FOXP1: variants seen among roughly 807,000 people sequenced by gnomAD.
The protein encoded by FOXP1 is forkhead box protein P1.
Under a neutral mutation model 98.2 loss-of-function variants are expected in FOXP1, and 15 were observed. The ratio of observed to expected loss-of-function variants is 0.15; its 90% CI spans 0.10 to 0.24. The LOEUF is 0.24. Among genes scored for constraint, FOXP1 ranks in the 10% least tolerant of loss-of-function variants. FOXP1 has a pLI of 1.00. For synonymous variants in FOXP1, 371 were observed against 314.5 expected (o/e 1.18, Z -1.90); for missense variants, 633 against 848.5 (o/e 0.75, Z 3.15).
intron 3 of FOXP1, among the ~76,000 whole-genome samples, chr3:71,412,083 A>C (rs1053139351): frequency 1.4e-4 from 22 of 152,324 alleles, no homozygotes; most frequent in African/African-American, 5.3e-4. Context: ...CTCTCCCTGC[A>C]GTCCTTGAAA....
rs889494636 is a variant in FOXP1 at position 70,958,573 on chromosome 3, AGAGGCCATCGGCCCAAATG to A, written c.*655_*673del. The stretch of plus-strand genomic sequence containing the variant: ...AGGTACAGAAAACTTTAAGCCTCCA[AGAGGCCATCGGCCCAAATG>A]GAGGCCTGAGGTCAGAACTTAAAAT... On this transcript the variant is annotated 3_prime_UTR_variant, in exon 21 of 21. Transcript: ENST00000649528. The A allele has an allele frequency of 4.1e-6, 1 of 246,462 alleles. No homozygotes were observed. The highest frequency in any genetic ancestry group is 7.9e-6 in the Non-Finnish European group (1 of 126,188). The allele number at this position is 246,462 out of a possible 1,614,324, so 15.3% of individuals were successfully genotyped here.
chr3:71,303,121 C>CT lies in FOXP1; in HGVS notation c.-72-3242dup, dbSNP rs200435819. Among the ~76,000 whole-genome samples, 1,370 of 152,186 alleles carry CT rather than the reference C, an allele frequency of 9.0e-3. 28 individuals are homozygous for CT. The highest frequency in any genetic ancestry group is 0.031 in the African/African-American group (1,291 of 41,498). On this transcript the variant is annotated intron_variant, in intron 4 of 20. Transcript: ENST00000649528. ...AAACTGAAAATGAAGAGTATCAGCT[C>CT]TTTTTTTCCCCATTTATAGTATTTC...
intron 10 of FOXP1, among the ~76,000 whole-genome samples, chr3:71,046,431 A>T (rs2049043760): frequency 6.6e-6 from 1 of 152,222 alleles, no homozygotes; most frequent in South Asian, 2.1e-4. Flanking sequence ...AAAGGAAACT[A>T]AACAAAGTTT....
At chr3:71,017,586 A>G (rs1559731234) in intron 11 of FOXP1, among the ~76,000 whole-genome samples, 1 of 151,958 alleles carries the variant, frequency 6.6e-6, no homozygotes, top group Non-Finnish European at 1.5e-5. Flanking sequence ...TATATTTAAC[A>G]TAATTTTGTA....
intron 6 of FOXP1, among the ~76,000 whole-genome samples, chr3:71,112,974 C>T (rs966394801): frequency 4.6e-5 from 7 of 152,066 alleles, no homozygotes; most frequent in South Asian, 2.1e-4. Context: ...CAAGCAAAGA[C>T]GAAAACTTGG....
At chr3:71,180,593 C>T (rs527283538) in intron 6 of FOXP1, among the ~76,000 whole-genome samples, 1 of 152,176 alleles carries the variant, frequency 6.6e-6, no homozygotes, top group South Asian at 2.1e-4. Flanking sequence ...TTTTTTCTCC[C>T]TTGCCTGTAT....
At chr3:71,018,576 A>G (rs2044877119) in intron 11 of FOXP1, among the ~76,000 whole-genome samples, 1 of 152,226 alleles carries the variant, frequency 6.6e-6, no homozygotes, top group Non-Finnish European at 1.5e-5. Flanking sequence ...AACATCCTGT[A>G]CACACTGTTG....
chr3:71,436,250 A>T, intron 3 of FOXP1, among the ~76,000 whole-genome samples: 1 of 152,050 alleles, frequency 6.6e-6, no homozygotes, highest in South Asian at 2.1e-4. Flanking sequence ...AAAACTTTAC[A>T]CATGTTCACA....
At chr3:71,529,416 C>G (rs768164322) in intron 2 of FOXP1, among the ~76,000 whole-genome samples, 3 of 152,172 alleles carry the variant, frequency 2.0e-5, no homozygotes, top group Non-Finnish European at 4.4e-5. Context: ...TTTCTTGGCA[C>G]ATAGTCCTTA....
chr3:71,277,778 TTA>T (rs2071069273), intron 5 of FOXP1, among the ~76,000 whole-genome samples: 1 of 93,418 alleles, frequency 1.1e-5, no homozygotes, highest in Non-Finnish European at 2.2e-5. Flanking sequence ...TTTTCCCTAG[TTA>T]AAAAAAAAAA....
chr3:71,251,716 G>A (rs957658536), intron 5 of FOXP1, among the ~76,000 whole-genome samples: 1 of 152,168 alleles, frequency 6.6e-6, no homozygotes, highest in Non-Finnish European at 1.5e-5. Flanking sequence ...GTGCGTTGGA[G>A]TTACCCACAC....
chr3:70,972,080 C>T, intron 18 of FOXP1: 1 of 1,519,740 alleles, frequency 6.6e-7, no homozygotes, highest in Admixed American at 2.1e-5. Context: ...AATATGGCGG[C>T]CACGTTTAAA....
At chr3:71,434,252 C>T (rs972282445) in intron 3 of FOXP1, among the ~76,000 whole-genome samples, 8 of 152,112 alleles carry the variant, frequency 5.3e-5, no homozygotes, top group East Asian at 1.9e-4. Flanking sequence ...AAAATAATGA[C>T]GTTAGGCACT....
chr3:71,393,451 T>C (rs532036659), intron 3 of FOXP1, among the ~76,000 whole-genome samples: 4 of 152,232 alleles, frequency 2.6e-5, no homozygotes, highest in South Asian at 4.2e-4. Flanking sequence ...ATTTTATGTA[T>C]ACTTGCCTCT....
At chr3:71,442,509 T>G (rs530138334) in intron 3 of FOXP1, among the ~76,000 whole-genome samples, 1 of 152,262 alleles carries the variant, frequency 6.6e-6, no homozygotes, top group African/African-American at 2.4e-5. Flanking sequence ...CATGCAAGTC[T>G]CGCGCAGTGA....
chr3:71,010,888 C>A (rs1277763797), intron 12 of FOXP1, among the ~76,000 whole-genome samples: 1 of 136,722 alleles, frequency 7.3e-6, no homozygotes, highest in Non-Finnish European at 1.5e-5. Flanking sequence ...TTACTTGAAC[C>A]ACAGAAGTTT....
At chr3:71,219,951 C>A (rs1466548673) in intron 5 of FOXP1, among the ~76,000 whole-genome samples, 1 of 152,156 alleles carries the variant, frequency 6.6e-6, no homozygotes, top group African/African-American at 2.4e-5. Context: ...GCAGAGTACT[C>A]CAAGGCCTTT....
At chr3:71,278,200 T>A (rs534751689) in intron 5 of FOXP1, among the ~76,000 whole-genome samples, 2 of 152,324 alleles carry the variant, frequency 1.3e-5, no homozygotes, top group African/African-American at 4.8e-5. Context: ...AAGCAGGGCC[T>A]GACACACAGC....
chr3:71,567,031 T>C (rs1197311172), intron 2 of FOXP1, among the ~76,000 whole-genome samples: 5 of 152,112 alleles, frequency 3.3e-5, no homozygotes, highest in African/African-American at 7.2e-5. Context: ...GGAGGAGCTA[T>C]TGTGCTGGAA....
Sources: allele counts gnomAD v4.1 joint callset (sites outside exome capture counted in the v4.1 genomes callset), GRCh38; gene constraint gnomAD v4.1.1; transcripts MANE v1.5; gene names NCBI Gene and HGNC (gene_info 2026-07-23, HGNC 2026-07-21).